DIP2B: variants seen among roughly 807,000 people sequenced by gnomAD.
DIP2B encodes DIP2 acetate--CoA ligase B (putative).
DIP2B carries 76 observed loss-of-function variants against 198.0 expected under a neutral mutation model. The observed-to-expected ratio is 0.38, with a 90% CI of 0.32 to 0.46. The LOEUF (loss-of-function observed/expected upper bound fraction) is 0.46, where lower values mean the gene tolerates loss of function less well. Among genes scored for constraint, DIP2B ranks in the 20% least tolerant of loss-of-function variants. DIP2B has a pLI of 0.99. For missense variants in DIP2B, 1,559 were observed against 1,978.4 expected (o/e 0.79, Z 4.02); for synonymous variants, 701 against 739.1 (o/e 0.95, Z 0.84).
intron 1 of DIP2B, among the ~76,000 whole-genome samples, chr12:50,624,427 G>A (rs1279597696): frequency 6.6e-6 from 1 of 152,046 alleles, no homozygotes; most frequent in Non-Finnish European, 1.5e-5. Context: ...TCACCTCCCG[G>A]GTTCAAGCAA....
chr12:50,722,253 G>T (rs140255535), intron 26 of DIP2B, among the ~76,000 whole-genome samples: 41 of 143,176 alleles, frequency 2.9e-4, no homozygotes, highest in East Asian at 1.7e-3. Flanking sequence ...TTGTTTGTTT[G>T]TTTATTTTAT....
At chr12:50,738,771 C>T (rs751005950) in intron 35 of DIP2B, among the ~76,000 whole-genome samples, 6 of 152,158 alleles carry the variant, frequency 3.9e-5, no homozygotes, top group Non-Finnish European at 2.9e-5. Context: ...TGAGCCACCA[C>T]GCCCAGCCTA....
Position 50,744,578 on chromosome 12 carries a change from A to C in DIP2B, c.4479-9A>C. The C allele has an allele frequency of 6.2e-7, 1 of 1,610,758 alleles. No homozygotes were observed. ...GTGACAAGTTAATGAATTGTCATTG[A>C]AATTTCAGTGCCGTGTTCACATGGA... On this transcript the variant is annotated splice_polypyrimidine_tract_variant and intron_variant, in intron 37 of 37. Transcript: ENST00000301180.
chr12:50,718,697 A>T lies in DIP2B; in HGVS notation c.2852-12A>T. 6.2e-7 allele frequency: 1 copy of T among 1,613,250 alleles called. No homozygotes were observed. The highest frequency in any genetic ancestry group is 8.5e-7 in the Non-Finnish European group (1 of 1,179,386). Reference sequence around the variant, plus strand: ...CCATCTCCAGTGAGTTGGGTTTTGCATTTATTTACAGGTGTAGGCCCTGCT... The same window carrying T: ...CCATCTCCAGTGAGTTGGGTTTTGCTTTTATTTACAGGTGTAGGCCCTGCT... On this transcript the variant is annotated splice_polypyrimidine_tract_variant and intron_variant, in intron 23 of 37. Transcript: ENST00000301180.
intron 3 of DIP2B, 51 bp downstream of exon 3, chr12:50,640,903 A>G (rs371129785): frequency 1.1e-5 from 18 of 1,584,892 alleles, no homozygotes; most frequent in Non-Finnish European, 1.5e-5. Context: ...TAACAGTAGT[A>G]TGAACTGTGT....
In DIP2B at chr12:50,619,701, A is replaced by G. The variant is rs886132872; in HGVS notation, c.101-6275A>G. The stretch of plus-strand genomic sequence containing the variant: ...TGTTATTTTCCATAGCCCAGACCCT[A>G]TATTTTAAATCACAATGAAAACTTT... On this transcript the variant is annotated intron_variant, in intron 1 of 37. Transcript: ENST00000301180. 3.9e-5 allele frequency among the ~76,000 whole-genome samples: 6 copies of G among 152,312 alleles called. 1 individual carries two copies. In the South Asian group the frequency reaches 8.3e-4, roughly 21 times the overall value.
At chr12:50,622,382 G>A (rs1937830759) in intron 1 of DIP2B, among the ~76,000 whole-genome samples, 1 of 152,176 alleles carries the variant, frequency 6.6e-6, no homozygotes, top group Non-Finnish European at 1.5e-5. Flanking sequence ...GATTAAATTT[G>A]TATAGTGTAG....
In DIP2B at chr12:50,561,293, T is replaced by G. The variant is rs537024160; in HGVS notation, c.100+56053T>G. Among the ~76,000 whole-genome samples the G allele has an allele frequency of 4.6e-5, 7 of 152,360 alleles. No homozygotes were observed. The East Asian group carries it at 1.3e-3, about 29-fold the overall frequency. Reference sequence around the variant, plus strand: ...CTTAAAGCTGAGTGTATTTATATACTATGTAGTCTACATTTGTCATAATAT... The same window carrying G: ...CTTAAAGCTGAGTGTATTTATATACGATGTAGTCTACATTTGTCATAATAT... On this transcript the variant is annotated intron_variant, in intron 1 of 37. Transcript: ENST00000301180.
At chr12:50,712,528 C>T (rs1939636079) in intron 22 of DIP2B, among the ~76,000 whole-genome samples, 1 of 151,796 alleles carries the variant, frequency 6.6e-6, no homozygotes. Flanking sequence ...TGCTTGAACC[C>T]GGGAGGTGGA....
At chr12:50,601,492 C>A (rs940143348) in intron 1 of DIP2B, among the ~76,000 whole-genome samples, 1 of 151,738 alleles carries the variant, frequency 6.6e-6, no homozygotes, top group Admixed American at 6.6e-5. Context: ...CTAGAGACGC[C>A]CAGCTAATTT....
Position 50,722,253 on chromosome 12 carries a change from G to GTTTATTTTAT in DIP2B, c.3166+896_3167-901dup, listed in dbSNP as rs147287033. On this transcript the variant is annotated intron_variant, in intron 26 of 37. Coordinates refer to ENST00000301180, the MANE Select transcript of DIP2B (RefSeq NM_173602.3). ...GTGATTTTTTTTTGTTTGTTTGTTT[G>GTTTATTTTAT]TTTATTTTATTTTATTTTATTTTAT... Among the ~76,000 whole-genome samples the GTTTATTTTAT allele has an allele frequency of 5.8e-3, 824 of 143,160 alleles. 5 individuals carry two copies. The highest frequency in any genetic ancestry group is 8.8e-3 in the African/African-American group (330 of 37,316). The allele number at this position is 143,160 out of a possible 152,430, so 93.9% of individuals were successfully genotyped here.
rs562320830 is a variant in DIP2B at position 50,612,688 on chromosome 12, C to G, written c.101-13288C>G. On this transcript the variant is annotated intron_variant, in intron 1 of 37. Transcript: ENST00000301180. Reference sequence around the variant, plus strand: ...AAGTGATCTGCCCGCCTCGGCCCGCCAAAGTCTTGGGATTACAGGCGTGAG... The same window carrying G: ...AAGTGATCTGCCCGCCTCGGCCCGCGAAAGTCTTGGGATTACAGGCGTGAG... 7.2e-5 allele frequency among the ~76,000 whole-genome samples: 11 copies of G among 152,160 alleles called. No individual in the cohort carries two copies. In the South Asian group the frequency reaches 2.3e-3, roughly 31 times the overall value.
intron 30 of DIP2B, among the ~76,000 whole-genome samples, chr12:50,730,147 A>G (rs898097828): frequency 6.6e-6 from 1 of 151,114 alleles, no homozygotes; most frequent in African/African-American, 2.4e-5. Flanking sequence ...ACCAATCCCT[A>G]CTCCGTATGT....
intron 13 of DIP2B, among the ~76,000 whole-genome samples, chr12:50,691,881 C>T (rs889178869): frequency 3.9e-5 from 6 of 151,984 alleles, no homozygotes; most frequent in Non-Finnish European, 8.8e-5. Flanking sequence ...CTGGCCAACA[C>T]GGTGAAACCC....
chr12:50,698,552 C>G, intron 18 of DIP2B, 85 bp downstream of exon 18: 9 of 1,493,148 alleles, frequency 6.0e-6, no homozygotes, highest in African/African-American at 1.4e-5. Context: ...GAATCCCAAA[C>G]GAGGAACCCT....
intron 1 of DIP2B, among the ~76,000 whole-genome samples, chr12:50,586,819 C>T (rs1565834333): frequency 1.3e-5 from 2 of 152,170 alleles, no homozygotes; most frequent in African/African-American, 2.4e-5. Flanking sequence ...GTGATCCACC[C>T]GCCTTGGCCT....
intron 1 of DIP2B, among the ~76,000 whole-genome samples, chr12:50,573,399 A>C (rs576357554): frequency 9.0e-4 from 137 of 152,308 alleles, no homozygotes; most frequent in African/African-American, 3.2e-3. Flanking sequence ...GCCATTCCAA[A>C]TTCTGTTTCT....
At chr12:50,732,076 C>T (rs1263734501) in intron 31 of DIP2B, among the ~76,000 whole-genome samples, 1 of 152,090 alleles carries the variant, frequency 6.6e-6, no homozygotes, top group Non-Finnish European at 1.5e-5. Flanking sequence ...AATAGGGGGA[C>T]ATCTAAGGTA....
intron 28 of DIP2B, among the ~76,000 whole-genome samples, chr12:50,725,499 G>A (rs983291618): frequency 5.3e-5 from 8 of 152,230 alleles, no homozygotes; most frequent in Non-Finnish European, 1.0e-4. Flanking sequence ...TATAGGAAGA[G>A]TGTGGGTGTT....
Sources: gnomAD v4.1 joint callset for allele counts (sites outside exome capture counted in the v4.1 genomes callset) on GRCh38, gnomAD v4.1.1 for gene constraint, MANE v1.5 for transcripts, NCBI Gene and HGNC (gene_info 2026-07-23, HGNC 2026-07-21) for gene names.